Variants in STPG2 observed in about 807,000 individuals in gnomAD.
The protein encoded by STPG2 is sperm tail PG-rich repeat containing 2, also known as sperm-tail PG-rich repeat-containing protein 2.
In STPG2, 56 loss-of-function variants were observed where a neutral mutation model predicts 54.2. The ratio of observed to expected loss-of-function variants is 1.03; its 90% confidence interval spans 0.83 to 1.29. STPG2 has a LOEUF of 1.29. Ranked by LOEUF, STPG2 falls within the 50% of genes most tolerant of loss-of-function variation. STPG2 has a pLI of 0.00. For synonymous variants in STPG2, 200 were observed against 181.8 expected, an observed-to-expected ratio of 1.10 and a Z score of -0.81; for missense variants, 596 against 544.9, an observed-to-expected ratio of 1.09 and a Z score of -0.93.
chr4:97,842,172 T>G lies in STPG2; in HGVS notation c.1045-1240A>C, dbSNP rs3857215. On this transcript the variant is annotated intron_variant, in intron 8 of 10. Transcript: ENST00000295268. The stretch of plus-strand genomic sequence containing the variant: ...ACTTCCAAAGAATCACAAAATATGG[T>G]AAGATCATGACTAGGGGAGGGGATT... Among the ~76,000 whole-genome samples, 1,331 of 151,724 alleles carry G rather than the reference T, an allele frequency of 8.8e-3. 7 individuals carry two copies. The highest frequency in any genetic ancestry group is 0.013 in the Non-Finnish European group (906 of 67,710).
At chr4:97,657,986 C>T (rs1426301297) in intron 10 of STPG2, among the ~76,000 whole-genome samples, 1 of 152,134 alleles carries the variant, frequency 6.6e-6, no homozygotes, top group Admixed American at 6.6e-5. Context: ...ATGTGACTTG[C>T]ATAAAATGAT....
intron 9 of STPG2, among the ~76,000 whole-genome samples, chr4:97,827,829 C>A (rs1728309088): frequency 1.3e-5 from 2 of 152,164 alleles, no homozygotes; most frequent in South Asian, 4.1e-4. Flanking sequence ...TGGCCTCATA[C>A]CTTGCCCATA....
At chr4:97,967,598 A>C (rs1375886733) in intron 7 of STPG2, among the ~76,000 whole-genome samples, 2 of 152,228 alleles carry the variant, frequency 1.3e-5, no homozygotes, top group African/African-American at 2.4e-5. Flanking sequence ...AATTGACCAC[A>C]TAGTTGGAAG....
intron 4 of STPG2, among the ~76,000 whole-genome samples, chr4:97,533,316 G>C (rs1274464476): frequency 6.6e-6 from 1 of 151,968 alleles, no homozygotes; most frequent in African/African-American, 2.4e-5. Context: ...TCTCATTTTT[G>C]ACTTAGTATT....
chr4:97,738,585 C>T (rs1294200731), intron 9 of STPG2, among the ~76,000 whole-genome samples: 6 of 152,060 alleles, frequency 3.9e-5, no homozygotes, highest in African/African-American at 7.2e-5. Context: ...AAACAGACTT[C>T]AAACCAACAA....
At chr4:97,482,524 G>C (rs1206582363) in intron 4 of STPG2, among the ~76,000 whole-genome samples, 16 of 151,366 alleles carry the variant, frequency 1.1e-4, no homozygotes, top group African/African-American at 3.4e-4. Flanking sequence ...AAAATAATAA[G>C]AAAATATGTA....
chr4:97,498,534 A>G (rs989756028), intron 4 of STPG2, among the ~76,000 whole-genome samples: 1 of 151,966 alleles, frequency 6.6e-6, no homozygotes, highest in Non-Finnish European at 1.5e-5. Context: ...ACTAAAGAAA[A>G]GTGCATGATT....
chr4:97,600,397 A>G (rs775743719), intron 10 of STPG2, among the ~76,000 whole-genome samples: 4 of 152,216 alleles, frequency 2.6e-5, no homozygotes, highest in Non-Finnish European at 5.9e-5. Flanking sequence ...AAAATAAAAT[A>G]CTATGTATAA....
At chr4:97,991,790 T>C (rs1444933519) in intron 5 of STPG2, among the ~76,000 whole-genome samples, 1 of 152,194 alleles carries the variant, frequency 6.6e-6, no homozygotes, top group Non-Finnish European at 1.5e-5. Context: ...TTTTTTATTA[T>C]GACCATTCTT....
intron 9 of STPG2, among the ~76,000 whole-genome samples, chr4:97,717,025 A>G (rs1045958075): frequency 1.3e-5 from 2 of 152,164 alleles, no homozygotes; most frequent in Non-Finnish European, 2.9e-5. Context: ...AAGTAATAGC[A>G]AAGAGAAAAG....
At chr4:97,524,175 A>C (rs1731235697) in intron 4 of STPG2, among the ~76,000 whole-genome samples, 1 of 151,964 alleles carries the variant, frequency 6.6e-6, no homozygotes, top group Non-Finnish European at 1.5e-5. Flanking sequence ...AAAGCCAGCA[A>C]AATAGGGAGC....
intron 10 of STPG2, among the ~76,000 whole-genome samples, chr4:97,649,408 C>T (rs1722001918): frequency 6.6e-6 from 1 of 152,074 alleles, no homozygotes; most frequent in East Asian, 1.9e-4. Flanking sequence ...TTGAAATAGT[C>T]TTAGCTGTCA....
At chr4:97,669,107 T>C (rs892369332) in intron 10 of STPG2, among the ~76,000 whole-genome samples, 1 of 151,918 alleles carries the variant, frequency 6.6e-6, no homozygotes. Context: ...ACTTGGCAAA[T>C]AGAGAAGAGA....
At chr4:97,706,384 C>T (rs1723942229) in intron 10 of STPG2, among the ~76,000 whole-genome samples, 1 of 152,098 alleles carries the variant, frequency 6.6e-6, no homozygotes, top group South Asian at 2.1e-4. Flanking sequence ...AGGTAGAGCC[C>T]TCGTGAATGG....
In STPG2 at chr4:97,622,584, G is replaced by T. The variant is rs112242349; in HGVS notation, c.1321-63467C>A. Among the ~76,000 whole-genome samples, 813 of 152,066 alleles carry T rather than the reference G, an allele frequency of 5.3e-3. 6 individuals carry two copies. The highest frequency in any genetic ancestry group is 0.021 in the Middle Eastern group (6 of 292). ...GGGAGTTGAAAGATCAGTACAACAA[G>T]AATTACAAAACACTGCACAAAGAAA... On this transcript the variant is annotated intron_variant, in intron 10 of 10. Coordinates refer to ENST00000295268, the MANE Select transcript of STPG2 (RefSeq NM_174952.3).
chr4:97,969,038 T>C (rs1336434126), intron 7 of STPG2, among the ~76,000 whole-genome samples: 1 of 152,114 alleles, frequency 6.6e-6, no homozygotes, highest in Non-Finnish European at 1.5e-5. Context: ...AGGGCGCCTG[T>C]TCATATGGAT....
chr4:97,662,320 A>G (rs9998401), intron 10 of STPG2, among the ~76,000 whole-genome samples: 3,296 of 152,280 alleles, frequency 0.022, 45 homozygotes, highest in Middle Eastern at 0.051. Context: ...AATCAAAACT[A>G]CAATAAGATA....
intron 9 of STPG2, among the ~76,000 whole-genome samples, chr4:97,780,680 AG>A (rs1216835876): frequency 1.3e-5 from 2 of 148,214 alleles, no homozygotes; most frequent in African/African-American, 5.0e-5. Context: ...CAGAGTTGGA[AG>A]TAAAGCACTT....
In STPG2 at chr4:97,651,872, T is replaced by C. The variant is rs1722079820; in HGVS notation, c.1320+60827A>G. ...CCACACTTTTGAAAACATTGGATGT[T>C]GCATAATATAAAATACATTTGAAGT... is the stretch of plus-strand genomic sequence containing the variant. On this transcript the variant is annotated intron_variant, in intron 10 of 10. Transcript: ENST00000295268. Among the ~76,000 whole-genome samples the C allele has an allele frequency of 2.0e-5, 3 of 152,162 alleles. No individual in the cohort carries two copies. The South Asian group carries it at 6.2e-4, about 32-fold the overall frequency.
Sources: gnomAD v4.1 joint callset for allele counts (sites outside exome capture counted in the v4.1 genomes callset) on GRCh38, gnomAD v4.1.1 for gene constraint, MANE v1.5 for transcripts, NCBI Gene and HGNC (gene_info 2026-07-23, HGNC 2026-07-21) for gene names.